RTN1: variants seen among roughly 807,000 people sequenced by gnomAD.
RTN1 encodes reticulon-1.
RTN1 carries 25 observed loss-of-function variants against 65.5 expected under a neutral mutation model. That is an observed-to-expected ratio of 0.38 (90% CI 0.28 to 0.53). The LOEUF (loss-of-function observed/expected upper bound fraction) is 0.53, where lower values mean the gene tolerates loss of function less well. Ranked by LOEUF, RTN1 falls within the 20% of genes least tolerant of loss-of-function variation. RTN1 has a pLI of 0.79. For missense variants in RTN1, 983 were observed against 1,025.4 expected, an observed-to-expected ratio of 0.96 and a Z score of 0.57; for synonymous variants, 471 against 447.6, an observed-to-expected ratio of 1.05 and a Z score of -0.66.
intron 1 of RTN1, among the ~76,000 whole-genome samples, chr14:59,867,253 G>C (rs964390901): frequency 2.4e-4 from 37 of 152,074 alleles, no homozygotes; most frequent in African/African-American, 8.5e-4. Context: ...ATAGTTTCCA[G>C]TAATAAAATA....
chr14:59,842,787 T>C lies in RTN1; in HGVS notation c.241+27603A>G, dbSNP rs140073164. Among the ~76,000 whole-genome samples the C allele has an allele frequency of 3.3e-3, 503 of 152,278 alleles. 2 individuals carry two copies. Among genetic ancestry groups the C allele is most frequent in the African/African-American group, 0.011 (470 of 41,554 alleles). On this transcript the variant is annotated intron_variant, in intron 1 of 8. Coordinates refer to ENST00000267484, the MANE Select transcript of RTN1 (RefSeq NM_021136.3). The stretch of plus-strand genomic sequence containing the variant: ...TGGAACACCTCATTGGTGGGGAGGA[T>C]TGAGATTCCACTACACATCCACTAG...
At chr14:59,650,890 C>T (rs1883006055) in intron 3 of RTN1, among the ~76,000 whole-genome samples, 2 of 152,102 alleles carry the variant, frequency 1.3e-5, no homozygotes. Context: ...TAGGCAATAC[C>T]ACTCAAGACA....
chr14:59,784,219 A>AC (rs1049193657), intron 1 of RTN1, among the ~76,000 whole-genome samples: 24 of 151,872 alleles, frequency 1.6e-4, no homozygotes, highest in Admixed American at 4.6e-4. Context: ...CAGGCGGATC[A>AC]CCTGAGGTTG....
intron 1 of RTN1, among the ~76,000 whole-genome samples, chr14:59,773,539 C>T (rs1446225395): frequency 1.3e-5 from 2 of 152,090 alleles, no homozygotes; most frequent in African/African-American, 4.8e-5. Flanking sequence ...ATTCTAATTT[C>T]CATTAAGCCT....
At chr14:59,791,629 A>C (rs1370727214) in intron 1 of RTN1, among the ~76,000 whole-genome samples, 1 of 152,162 alleles carries the variant, frequency 6.6e-6, no homozygotes, top group Non-Finnish European at 1.5e-5. Context: ...GAAGATGTGC[A>C]TTCTGCCACA....
At chr14:59,707,014 T>G (rs1462885134) in intron 3 of RTN1, among the ~76,000 whole-genome samples, 1 of 152,232 alleles carries the variant, frequency 6.6e-6, no homozygotes, top group Non-Finnish European at 1.5e-5. Flanking sequence ...GGAACTTAAC[T>G]AAGAATCAGA....
chr14:59,786,499 C>T (rs1015302164), intron 1 of RTN1, among the ~76,000 whole-genome samples: 1 of 151,974 alleles, frequency 6.6e-6, no homozygotes, highest in Non-Finnish European at 1.5e-5. Flanking sequence ...TCATGGACAC[C>T]CAGTACATAT....
intron 1 of RTN1, among the ~76,000 whole-genome samples, chr14:59,811,607 G>C (rs1023679594): frequency 1.3e-5 from 2 of 152,098 alleles, no homozygotes; most frequent in African/African-American, 4.8e-5. Context: ...GCTGCTTAAA[G>C]TTCTATATGC....
At chr14:59,698,077 T>C (rs1307745262) in intron 3 of RTN1, among the ~76,000 whole-genome samples, 3 of 152,188 alleles carry the variant, frequency 2.0e-5, no homozygotes, top group Non-Finnish European at 4.4e-5. Context: ...TGGCCCTGCA[T>C]GATACAACAT....
At chr14:59,724,409 GC>G (rs1223180486) in intron 3 of RTN1, among the ~76,000 whole-genome samples, 2 of 152,180 alleles carry the variant, frequency 1.3e-5, no homozygotes, top group Non-Finnish European at 2.9e-5. Context: ...CAGCAGGATG[GC>G]TCATCCCCTG....
chr14:59,643,344 T>A (rs1230961082), intron 3 of RTN1, among the ~76,000 whole-genome samples: 1 of 152,172 alleles, frequency 6.6e-6, no homozygotes, highest in Non-Finnish European at 1.5e-5. Flanking sequence ...CTCAGCCTCC[T>A]GAGTAGCTGG....
At chr14:59,714,579 T>C (rs559049032) in intron 3 of RTN1, among the ~76,000 whole-genome samples, 109 of 152,302 alleles carry the variant, frequency 7.2e-4, no homozygotes, top group Middle Eastern at 3.4e-3. Context: ...TCTTCCCAGA[T>C]GTAACCCATA....
Position 59,870,330 on chromosome 14 carries a change from G to T in RTN1, c.241+60C>A. The T allele has an allele frequency of 7.1e-7, 1 of 1,404,784 alleles. No individual in the cohort carries two copies. The highest frequency in any genetic ancestry group is 9.2e-7 in the Non-Finnish European group (1 of 1,084,008). 87.0% of individuals were successfully genotyped at this position (1,404,784 alleles called of 1,614,324 possible). On this transcript the variant is annotated intron_variant, in intron 1 of 8. Coordinates refer to ENST00000267484, the MANE Select transcript of RTN1 (RefSeq NM_021136.3). The surrounding 1 kb of genome is among the most constrained non-coding windows in gnomAD (Gnocchi z 5.1). ...GTGCCCAGGAGAGCCGCGCAGAAGG[G>T]GACTGACTGGGGGGCCCTGGTCCCC...
chr14:59,780,486 T>C (rs1488225941), intron 1 of RTN1, among the ~76,000 whole-genome samples: 1 of 152,164 alleles, frequency 6.6e-6, no homozygotes, highest in African/African-American at 2.4e-5. Flanking sequence ...TACCTAATGG[T>C]GCCAACCATT....
chr14:59,652,323 T>A (rs941246213), intron 3 of RTN1, among the ~76,000 whole-genome samples: 1 of 152,164 alleles, frequency 6.6e-6, no homozygotes, highest in Admixed American at 6.5e-5. Context: ...GCAATCTCAT[T>A]ACTAGGTATA....
chr14:59,804,827 A>G (rs190523822), intron 1 of RTN1, among the ~76,000 whole-genome samples: 166 of 152,338 alleles, frequency 1.1e-3, no homozygotes, highest in Admixed American at 3.9e-3. Context: ...TGAATTGGTC[A>G]AGTGACTACT....
chr14:59,697,390 C>T (rs1884084939), intron 3 of RTN1, among the ~76,000 whole-genome samples: 1 of 152,116 alleles, frequency 6.6e-6, no homozygotes, highest in African/African-American at 2.4e-5. Flanking sequence ...GAACTAAGTA[C>T]AGTCCATTAT....
intron 3 of RTN1, among the ~76,000 whole-genome samples, chr14:59,617,830 C>T (rs903405039): frequency 2.0e-5 from 3 of 152,164 alleles, no homozygotes; most frequent in African/African-American, 4.8e-5. Flanking sequence ...TGCATGAGTA[C>T]GCTCAGACAG....
At chr14:59,787,000 G>C (rs1053402592) in intron 1 of RTN1, among the ~76,000 whole-genome samples, 2 of 152,146 alleles carry the variant, frequency 1.3e-5, no homozygotes, top group African/African-American at 4.8e-5. Flanking sequence ...AGACAGAAAA[G>C]TACTTAAGGA....
Sources: gnomAD v4.1 joint callset for allele counts (sites outside exome capture counted in the v4.1 genomes callset) on GRCh38, gnomAD v4.1.1 for gene constraint, Gnocchi (gnomAD v3.1) non-coding constraint, MANE v1.5 for transcripts, NCBI Gene and HGNC (gene_info 2026-07-23, HGNC 2026-07-21) for gene names.